The following MSRB3 variants were observed in gnomAD, a reference collection of about 807,000 sequenced individuals.
The protein encoded by MSRB3 is methionine-R-sulfoxide reductase B3.
MSRB3 carries 13 observed loss-of-function variants against 21.0 expected under a neutral mutation model. The observed-to-expected ratio is 0.62, with a 90% CI of 0.40 to 0.98. MSRB3 has a LOEUF of 0.98. Among genes scored for constraint, MSRB3 ranks in the 50% least tolerant of loss-of-function variants. The pLI is 0.00. For synonymous variants in MSRB3, 87 were observed against 88.6 expected, an observed-to-expected ratio of 0.98 and a Z score of 0.10; for missense variants, 199 against 230.3, an observed-to-expected ratio of 0.86 and a Z score of 0.88.
chr12:65,320,878 T>A (rs1201599547), intron 2 of MSRB3, among the ~76,000 whole-genome samples: 1 of 152,212 alleles, frequency 6.6e-6, no homozygotes, highest in Non-Finnish European at 1.5e-5. Flanking sequence ...GCACTTTCAC[T>A]GAGGTTACCT....
At chr12:65,440,731 G>A (rs1882338962) in intron 5 of MSRB3, among the ~76,000 whole-genome samples, 2 of 151,900 alleles carry the variant, frequency 1.3e-5, no homozygotes, top group South Asian at 2.1e-4. Flanking sequence ...CTCTGGTCTA[G>A]TGACATAAGT....
In MSRB3 at chr12:65,314,108, G is replaced by T. The variant is rs531836922; in HGVS notation, c.76+5453G>T. Among the ~76,000 whole-genome samples the T allele has an allele frequency of 2.0e-5, 3 of 152,180 alleles. No homozygotes were observed. The South Asian group carries it at 6.2e-4, about 31-fold the overall frequency. Reference sequence around the variant, plus strand: ...CTTTTTCCATTTTCAATAAGATTCTGACTCCCTTATGCTTGGCCATCTCAT... The same window carrying T: ...CTTTTTCCATTTTCAATAAGATTCTTACTCCCTTATGCTTGGCCATCTCAT... On this transcript the variant is annotated intron_variant, in intron 2 of 6. Transcript: ENST00000308259.
chr12:65,312,022 T>G (rs1874017934), intron 2 of MSRB3, among the ~76,000 whole-genome samples: 1 of 152,030 alleles, frequency 6.6e-6, no homozygotes, highest in African/African-American at 2.4e-5. Context: ...CTTCTTAATT[T>G]CTTACAACAG....
chr12:65,356,366 G>C (rs142623075), intron 4 of MSRB3, among the ~76,000 whole-genome samples: 2,777 of 151,832 alleles, frequency 0.018, 45 homozygotes, highest in Admixed American at 0.025. Flanking sequence ...TCACTTGTTT[G>C]GTTCTTAGTT....
At chr12:65,375,091 C>G (rs1194797106) in intron 5 of MSRB3, among the ~76,000 whole-genome samples, 5 of 151,180 alleles carry the variant, frequency 3.3e-5, no homozygotes, top group Non-Finnish European at 5.9e-5. Flanking sequence ...GTGATCAGCT[C>G]GCCTCGGCCT....
At chr12:65,360,120 G>A (rs1057389769) in intron 4 of MSRB3, among the ~76,000 whole-genome samples, 3 of 152,014 alleles carry the variant, frequency 2.0e-5, no homozygotes, top group African/African-American at 4.8e-5. Flanking sequence ...AAGGTCACTA[G>A]TCACATTGGA....
At chr12:65,391,860 G>A (rs570214758) in intron 5 of MSRB3, among the ~76,000 whole-genome samples, 1 of 152,290 alleles carries the variant, frequency 6.6e-6, no homozygotes, top group East Asian at 1.9e-4. Context: ...TTTGAGCCAA[G>A]TGCTAAAAGA....
At chr12:65,358,142 G>A (rs977631118) in intron 4 of MSRB3, among the ~76,000 whole-genome samples, 1 of 151,706 alleles carries the variant, frequency 6.6e-6, no homozygotes, top group African/African-American at 2.4e-5. Context: ...TTTAGAGGCA[G>A]GGTATTACTC....
At chr12:65,453,905 C>A (rs764211921) in intron 6 of MSRB3, 80 bp downstream of exon 6, 2 of 1,115,616 alleles carry the variant, frequency 1.8e-6, no homozygotes, top group South Asian at 1.2e-5. Flanking sequence ...TAAGGCCAAG[C>A]GACTGGTCAC....
intron 4 of MSRB3, among the ~76,000 whole-genome samples, chr12:65,345,436 T>A (rs1218645739): frequency 6.6e-6 from 1 of 152,066 alleles, no homozygotes; most frequent in Non-Finnish European, 1.5e-5. Context: ...CACACTAATG[T>A]TCATTGTAGA....
intron 5 of MSRB3, among the ~76,000 whole-genome samples, chr12:65,375,068 A>C (rs1878532895): frequency 6.7e-6 from 1 of 149,310 alleles, no homozygotes. Context: ...TGTTAGTCAG[A>C]TCTCCTGACC....
chr12:65,404,655 A>C (rs1880311107), intron 5 of MSRB3, among the ~76,000 whole-genome samples: 1 of 152,274 alleles, frequency 6.6e-6, no homozygotes, highest in East Asian at 1.9e-4. Context: ...TCAATTAAAA[A>C]ATTTTTGTTC....
chr12:65,352,308 G>A (rs1327493729), intron 4 of MSRB3, among the ~76,000 whole-genome samples: 5 of 151,590 alleles, frequency 3.3e-5, no homozygotes, highest in African/African-American at 7.3e-5. Context: ...TTGATGGGAC[G>A]TATTTCAAAA....
At chr12:65,403,832 C>G (rs928487052) in intron 5 of MSRB3, among the ~76,000 whole-genome samples, 1 of 152,162 alleles carries the variant, frequency 6.6e-6, no homozygotes, top group African/African-American at 2.4e-5. Flanking sequence ...GGCGCAGTCC[C>G]TCATGGCTTC....
intron 5 of MSRB3, among the ~76,000 whole-genome samples, chr12:65,450,693 A>C (rs1018036415): frequency 6.6e-6 from 1 of 152,062 alleles, no homozygotes; most frequent in African/African-American, 2.4e-5. Flanking sequence ...ACATAAACAC[A>C]CTCCCCTTCC....
Position 65,418,957 on chromosome 12 carries a change from C to T in MSRB3, c.293-34771C>T, listed in dbSNP as rs183229082. 1.0e-3 allele frequency: 710 copies of T among 708,888 alleles called. 3 individuals are homozygous for T. The African/African-American group carries it at 0.011, about 11-fold the overall frequency. 43.9% of individuals were successfully genotyped at this position (708,888 alleles called of 1,614,324 possible). ...CTGGGCCTGGTGCTGCCCCTCTGCC[C>T]GGGTCTGTGTCAACTCCAACTCCAG... On this transcript the variant is annotated intron_variant, in intron 5 of 6. Coordinates refer to ENST00000308259, the MANE Select transcript of MSRB3 (RefSeq NM_001031679.3).
intron 4 of MSRB3, among the ~76,000 whole-genome samples, chr12:65,368,278 G>T (rs12229918): frequency 1.3e-5 from 2 of 152,058 alleles, no homozygotes; most frequent in South Asian, 4.1e-4. Flanking sequence ...GTTGATGTGT[G>T]ATATAAATCC....
chr12:65,419,641 A>T, intron 5 of MSRB3: 1 of 708,412 alleles, frequency 1.4e-6, no homozygotes, highest in Admixed American at 1.8e-5. Flanking sequence ...GAAATAATGG[A>T]CCCAGTCTCT....
chr12:65,283,478 T>C (rs1384568168), intron 1 of MSRB3, among the ~76,000 whole-genome samples: 1 of 152,020 alleles, frequency 6.6e-6, no homozygotes, highest in Non-Finnish European at 1.5e-5. Context: ...TCACCCAGAC[T>C]GGAGTGCAGT....
Sources: gnomAD v4.1 joint callset for allele counts (sites outside exome capture counted in the v4.1 genomes callset) on GRCh38, gnomAD v4.1.1 for gene constraint, MANE v1.5 for transcripts, NCBI Gene and HGNC (gene_info 2026-07-23, HGNC 2026-07-21) for gene names.